The following ABR variants were observed in gnomAD, a reference collection of about 807,000 sequenced individuals.
ABR encodes active breakpoint cluster region-related protein.
In ABR, 35 loss-of-function variants were observed where a neutral mutation model predicts 107.2. The ratio of observed to expected loss-of-function variants is 0.33; its 90% CI spans 0.25 to 0.43. The LOEUF (loss-of-function observed/expected upper bound fraction) is 0.43, where lower values mean the gene tolerates loss of function less well. ABR is among the 20% of genes least tolerant of loss of function. The pLI, the probability that ABR is intolerant of heterozygous loss-of-function variation, is 1.00. For missense variants in ABR, 815 were observed against 1,115.2 expected, an observed-to-expected ratio of 0.73 and a Z score of 3.83; for synonymous variants, 498 against 462.0, an observed-to-expected ratio of 1.08 and a Z score of -1.00.
chr17:1,056,843 A>T, intron 13 of ABR, among the ~76,000 whole-genome samples, 155 bp downstream of exon 13: 1 of 152,152 alleles, frequency 6.6e-6, no homozygotes, highest in East Asian at 1.9e-4. Context: ...AGTCACCCCT[A>T]CCCAAGCTGT....
intron 1 of ABR, among the ~76,000 whole-genome samples, chr17:1,128,037 T>G (rs879836013): frequency 1.3e-5 from 2 of 150,986 alleles, no homozygotes; most frequent in African/African-American, 5.0e-5. Flanking sequence ...ATATCCCTCC[T>G]GGTTAAGGGG....
intron 2 of ABR, among the ~76,000 whole-genome samples, chr17:1,103,247 G>A (rs1207601510): frequency 2.6e-5 from 4 of 151,982 alleles, no homozygotes; most frequent in African/African-American, 7.3e-5. Context: ...CTGAGGCACC[G>A]AGAGTCGGGA....
At chr17:1,204,895 CTTTTTCTTTTTTTTTT>C (rs1478800656) in intron 1 of ABR, among the ~76,000 whole-genome samples, 2 of 70,320 alleles carry the variant, frequency 2.8e-5, no homozygotes, top group East Asian at 5.8e-4. Context: ...TTTTCTTTTT[CTTTTTCTTTTTTTTTT>C]TTTTTTTTTT....
intron 16 of ABR, among the ~76,000 whole-genome samples, chr17:1,048,674 G>A (rs1156966801): frequency 1.5e-5 from 2 of 135,566 alleles, no homozygotes; most frequent in Non-Finnish European, 3.0e-5. Flanking sequence ...CCCAGCTGCC[G>A]CCTGGATCAC....
intron 16 of ABR, among the ~76,000 whole-genome samples, chr17:1,025,119 CA>C (rs71272843): frequency 0.29 from 11,008 of 37,588 alleles, 1,436 homozygotes; most frequent in African/African-American, 0.48. Context: ...GACTCCGTCT[CA>C]AAAAAAAAAA....
intron 1 of ABR, among the ~76,000 whole-genome samples, chr17:1,173,825 C>A (rs541453681): frequency 6.6e-6 from 1 of 152,358 alleles, no homozygotes; most frequent in South Asian, 2.1e-4. Flanking sequence ...GCCACATTCC[C>A]TGCCCCTTCC....
chr17:1,101,219 T>G (rs889476810), intron 2 of ABR: 1 of 152,380 alleles, frequency 6.6e-6, no homozygotes, highest in African/African-American at 2.5e-5. Flanking sequence ...AGGTGATCCG[T>G]CCGCCTCAGC....
chr17:1,161,565 T>C lies in ABR; in HGVS notation c.61+18102A>G, dbSNP rs1598017034. ...CCGGTCAAAGTCACTATTTTTTTTT[T>C]TTTTTTTGAGATGAGGTCTCACTCT... On this transcript the variant is annotated intron_variant, in intron 1 of 22. Coordinates refer to ENST00000302538, the MANE Select transcript of ABR (RefSeq NM_021962.5). Among the ~76,000 whole-genome samples the C allele has an allele frequency of 2.0e-5, 3 of 150,404 alleles. No individual in the cohort carries two copies. The South Asian group carries it at 6.4e-4, about 32-fold the overall frequency.
At chr17:1,009,518 G>C (rs546835759) in intron 21 of ABR, among the ~76,000 whole-genome samples, 161 bp downstream of exon 21, 2 of 152,072 alleles carry the variant, frequency 1.3e-5, no homozygotes, top group Admixed American at 6.5e-5. Context: ...ACAGCCCGAT[G>C]GAGGCCAGCG....
chr17:1,125,490 G>T, intron 1 of ABR, 123 bp from the exon 2 acceptor site: 1 of 1,087,270 alleles, frequency 9.2e-7, no homozygotes, highest in Non-Finnish European at 1.3e-6. Flanking sequence ...ATCCACGCCT[G>T]GCCCGGGCGG....
At chr17:1,167,225 C>G (rs2041548147) in intron 1 of ABR, among the ~76,000 whole-genome samples, 1 of 151,964 alleles carries the variant, frequency 6.6e-6, no homozygotes, top group Admixed American at 6.6e-5. Context: ...TTCTGCCCTC[C>G]TAACACCCAG....
At chr17:1,197,916 A>G (rs1202670045) in intron 1 of ABR, among the ~76,000 whole-genome samples, 1 of 151,530 alleles carries the variant, frequency 6.6e-6, no homozygotes, top group East Asian at 1.9e-4. Context: ...GGGCAAATAC[A>G]CCCTGCTGAC....
rs141815712 is a variant in ABR at position 1,151,048 on chromosome 17, A to C, written c.62-25681T>G. Among the ~76,000 whole-genome samples, 681 of 152,288 alleles carry C rather than the reference A, an allele frequency of 4.5e-3. 8 individuals carry two copies. Among genetic ancestry groups the C allele is most frequent in the Non-Finnish European group, 6.1e-3 (413 of 68,030 alleles). On this transcript the variant is annotated intron_variant, in intron 1 of 22. Coordinates refer to ENST00000302538, the MANE Select transcript of ABR (RefSeq NM_021962.5). ...CAGCCAGACTGACTGGGTCTGAATC[A>C]CAGGCTCCACCCCTTACCAGCTGTG...
intron 4 of ABR, among the ~76,000 whole-genome samples, chr17:1,088,452 TTAA>T (rs60961802): frequency 0.057 from 8,223 of 143,416 alleles, 255 homozygotes; most frequent in South Asian, 0.085. Context: ...TCTTCCCAAT[TTAA>T]TAATAATAAT....
intron 3 of ABR, 124 bp downstream of exon 3, chr17:1,100,513 C>T: frequency 2.3e-6 from 2 of 872,904 alleles, no homozygotes; most frequent in Middle Eastern, 3.2e-4. Context: ...GCTGCAGACT[C>T]TGTCCACAGG....
At chr17:1,022,514 C>T (rs1432699030) in intron 16 of ABR, 3 of 154,514 alleles carry the variant, frequency 1.9e-5, no homozygotes, top group Admixed American at 1.3e-4. Flanking sequence ...CGGAGGATTC[C>T]GTCAACGTGA....
At chr17:1,171,946 GA>G (rs898399976) in intron 1 of ABR, among the ~76,000 whole-genome samples, 17 of 152,108 alleles carry the variant, frequency 1.1e-4, no homozygotes, top group African/African-American at 3.9e-4. Context: ...AATGAAGAAA[GA>G]GGGGAGTGGC....
intron 1 of ABR, among the ~76,000 whole-genome samples, chr17:1,192,766 T>C (rs1275589682): frequency 6.6e-6 from 1 of 151,420 alleles, no homozygotes; most frequent in Non-Finnish European, 1.5e-5. Flanking sequence ...TACAAAAAAA[T>C]AGCTGGGCGT....
intron 1 of ABR, among the ~76,000 whole-genome samples, chr17:1,185,654 T>TAAAAAAAAAAAAA (rs775804045): frequency 1.0e-4 from 4 of 39,354 alleles, no homozygotes; most frequent in African/African-American, 3.9e-4. Flanking sequence ...CAGAAAGAAA[T>TAAAAAAAAAAAAA]AAAAAAAAAA....
Sources: gnomAD v4.1 joint callset for allele counts (sites outside exome capture counted in the v4.1 genomes callset) on GRCh38, gnomAD v4.1.1 for gene constraint, MANE v1.5 for transcripts, NCBI Gene and HGNC (gene_info 2026-07-23, HGNC 2026-07-21) for gene names.